Variants in FAM135B observed in about 807,000 individuals in gnomAD.
The protein encoded by FAM135B is family with sequence similarity 135 member B.
A neutral mutation model predicts 127.7 loss-of-function variants in FAM135B; 43 were observed. That is an observed-to-expected ratio of 0.34 (90% CI 0.26 to 0.43). The LOEUF (loss-of-function observed/expected upper bound fraction) is 0.43. Ranked by LOEUF, FAM135B falls within the 20% of genes least tolerant of loss-of-function variation. The probability of loss-of-function intolerance (pLI) is 1.00; values close to 1 mark genes in which losing one functional copy is unlikely to be tolerated. For missense variants in FAM135B, 1,558 were observed against 1,725.6 expected (o/e 0.90, Z 1.72); for synonymous variants, 670 against 665.1 (o/e 1.01, Z -0.11).
intron 1 of FAM135B, among the ~76,000 whole-genome samples, chr8:138,451,650 GA>G (rs1376079016): frequency 6.6e-6 from 1 of 152,172 alleles, no homozygotes; most frequent in Non-Finnish European, 1.5e-5. Context: ...CCGTCAACTG[GA>G]ATAGAGTTTG....
chr8:138,485,794 T>C (rs1056768347), intron 1 of FAM135B, among the ~76,000 whole-genome samples: 1 of 151,870 alleles, frequency 6.6e-6, no homozygotes, highest in Non-Finnish European at 1.5e-5. Context: ...GCCAGAGGAA[T>C]CCAGGCAATC....
rs1185626618 is a variant in FAM135B at position 138,242,254 on chromosome 8, C to G, written c.669+688G>C. Among the ~76,000 whole-genome samples the G allele has an allele frequency of 2.0e-5, 3 of 148,890 alleles. No individual in the cohort carries two copies. In the South Asian group the frequency reaches 6.4e-4, roughly 32 times the overall value. ...GTATTGGTCCTGTTTCTCTGGAGAA[C>G]CCTGAATAATACAGGCTGTTTATTT... On this transcript the variant is annotated intron_variant, in intron 7 of 19. Transcript: ENST00000395297. This position sits in a 1 kb window ranked among gnomAD's most constrained non-coding sequence, Gnocchi z 9.6.
chr8:138,168,406 A>C (rs915289835), intron 11 of FAM135B, among the ~76,000 whole-genome samples: 7 of 152,212 alleles, frequency 4.6e-5, no homozygotes, highest in Non-Finnish European at 8.8e-5. Context: ...TTTTGAAAAA[A>C]ATGTAAATGT....
intron 3 of FAM135B, among the ~76,000 whole-genome samples, chr8:138,284,291 C>T (rs1168182943): frequency 6.6e-6 from 1 of 152,064 alleles, no homozygotes; most frequent in Non-Finnish European, 1.5e-5. Context: ...ACAACCTTGT[C>T]CGTGCTCTCC....
intron 1 of FAM135B, among the ~76,000 whole-genome samples, chr8:138,473,350 C>A (rs1814176891): frequency 6.6e-6 from 1 of 152,106 alleles, no homozygotes; most frequent in Non-Finnish European, 1.5e-5. Context: ...GTCCGTGGTG[C>A]CTACAGAATC....
At chr8:138,426,639 T>C (rs1156283702) in intron 1 of FAM135B, among the ~76,000 whole-genome samples, 1 of 151,810 alleles carries the variant, frequency 6.6e-6, no homozygotes, top group African/African-American at 2.4e-5. Flanking sequence ...GAATGGGTAA[T>C]TGAATTGTGG....
chr8:138,145,504 C>A (rs1409049747), intron 15 of FAM135B, among the ~76,000 whole-genome samples: 4 of 152,104 alleles, frequency 2.6e-5, no homozygotes, highest in Non-Finnish European at 5.9e-5. Context: ...ATAGAACTGC[C>A]ATGAAGATAA....
chr8:138,464,056 G>A (rs1432354471), intron 1 of FAM135B, among the ~76,000 whole-genome samples: 1 of 152,148 alleles, frequency 6.6e-6, no homozygotes, highest in Non-Finnish European at 1.5e-5. Context: ...GTAAATGTCC[G>A]TATTCACTCA....
chr8:138,313,333 T>C (rs1240720791), intron 2 of FAM135B, among the ~76,000 whole-genome samples: 4 of 152,152 alleles, frequency 2.6e-5, no homozygotes, highest in Non-Finnish European at 5.9e-5. Flanking sequence ...CGTTTCACCA[T>C]GTAGGCCAGG....
chr8:138,368,126 C>A (rs1452911374), intron 1 of FAM135B, 124 bp from the exon 2 acceptor site: 2 of 655,614 alleles, frequency 3.1e-6, no homozygotes, highest in African/African-American at 3.6e-5. Context: ...GTCCACTGAA[C>A]GTCACCACTC....
intron 4 of FAM135B, among the ~76,000 whole-genome samples, chr8:138,261,681 A>C (rs995426595): frequency 6.6e-5 from 10 of 152,248 alleles, no homozygotes; most frequent in Admixed American, 6.5e-4. Flanking sequence ...AACTGTTATT[A>C]TAACATCTCC....
intron 2 of FAM135B, among the ~76,000 whole-genome samples, chr8:138,323,695 T>C (rs911551325): frequency 1.3e-5 from 2 of 152,206 alleles, no homozygotes; most frequent in Non-Finnish European, 2.9e-5. Flanking sequence ...AATACACTTC[T>C]TACTGTGGGA....
Position 138,155,272 on chromosome 8 carries a change from C to T in FAM135B, c.1259-2056G>A, listed in dbSNP as rs1271290795. ...AGAGATTTTGTCACCACCAGGCCTG[C>T]CTTACAAGAGCTCCTGAAGGAAGCA... On this transcript the variant is annotated intron_variant, in intron 12 of 19. Transcript: ENST00000395297. Among the ~76,000 whole-genome samples, 5 of 152,310 alleles carry T rather than the reference C, an allele frequency of 3.3e-5. No homozygotes were observed. The East Asian group carries it at 9.6e-4, about 29-fold the overall frequency.
intron 7 of FAM135B, among the ~76,000 whole-genome samples, chr8:138,220,937 A>G (rs6989502): frequency 0.27 from 40,704 of 152,188 alleles, 5,752 homozygotes; most frequent in South Asian, 0.4. Context: ...TAGATAAGAC[A>G]GCTGAGCAAG....
At chr8:138,376,802 C>A (rs937924487) in intron 1 of FAM135B, among the ~76,000 whole-genome samples, 1 of 152,162 alleles carries the variant, frequency 6.6e-6, no homozygotes, top group Admixed American at 6.5e-5. Flanking sequence ...CAGTAGCAAT[C>A]ACTATTTTTA....
At chr8:138,466,629 G>A (rs977615284) in intron 1 of FAM135B, among the ~76,000 whole-genome samples, 2 of 152,146 alleles carry the variant, frequency 1.3e-5, no homozygotes, top group African/African-American at 2.4e-5. Context: ...AAATAAGAAT[G>A]ACGTTGTGTC....
rs759518090 is a variant in FAM135B, at chr8:138,195,259, T to C, written c.872A>G (p.Gln291Arg). The C allele has an allele frequency of 3.7e-6, 6 of 1,613,576 alleles. No homozygotes were observed. The African/African-American group carries it at 8.0e-5, about 22-fold the overall frequency. The change falls in exon 9 of 20, where the codon CAG becomes CGG. Residue 291 changes from glutamine (Q) to arginine (R), a missense_variant and splice_region_variant. Transcript: ENST00000395297. ...ETLSQLCSEL[Q>R]MLNNPEKIAE... Reference sequence around the variant, plus strand: ...CCCCAGCGCCAGTTCTCCAATTACCTGTAGCTCTGAGCACAGCTGAGAAAG... The same window carrying C: ...CCCCAGCGCCAGTTCTCCAATTACCCGTAGCTCTGAGCACAGCTGAGAAAG...
At chr8:138,182,008 G>A (rs115813991) in intron 9 of FAM135B, among the ~76,000 whole-genome samples, 2,788 of 152,216 alleles carry the variant, frequency 0.018, 75 homozygotes, top group African/African-American at 0.063. Context: ...CTCGGTGTCC[G>A]TGGGAGGTGT....
chr8:138,481,180 C>A lies in FAM135B; in HGVS notation c.-20+15491G>T, dbSNP rs910436329. On this transcript the variant is annotated intron_variant, in intron 1 of 19. Coordinates refer to ENST00000395297, the MANE Select transcript of FAM135B (RefSeq NM_015912.4). ...ACATGCTATAGACTTGATTAAATTTCATTTACTAATAAAATAAATATTCTT... is the reference window on the plus strand; with the variant it reads ...ACATGCTATAGACTTGATTAAATTTAATTTACTAATAAAATAAATATTCTT... 7.9e-5 allele frequency among the ~76,000 whole-genome samples: 12 copies of A among 152,308 alleles called. No individual in the cohort carries two copies. The South Asian group carries it at 2.5e-3, about 32-fold the overall frequency.
Sources: gnomAD v4.1 joint callset for allele counts (sites outside exome capture counted in the v4.1 genomes callset) on GRCh38, gnomAD v4.1.1 for gene constraint, Gnocchi (gnomAD v3.1) non-coding constraint, MANE v1.5 for transcripts, NCBI Gene and HGNC (gene_info 2026-07-23, HGNC 2026-07-21) for gene names.